Variants in CACNA2D1 observed in about 807,000 individuals in gnomAD.
CACNA2D1 encodes calcium voltage-gated channel auxiliary subunit alpha2delta 1.
A neutral mutation model predicts 171.5 loss-of-function variants in CACNA2D1; 53 were observed. The observed-to-expected ratio is 0.31, with a 90% CI of 0.25 to 0.39. The LOEUF (loss-of-function observed/expected upper bound fraction) is 0.39, where lower values mean the gene tolerates loss of function less well. Ranked by LOEUF, CACNA2D1 falls within the 10% of genes least tolerant of loss-of-function variation. CACNA2D1 has a pLI of 1.00. For synonymous variants in CACNA2D1, 442 were observed against 443.1 expected, an observed-to-expected ratio of 1.00 and a Z score of 0.03; for missense variants, 903 against 1,299.8, an observed-to-expected ratio of 0.69 and a Z score of 4.69.
chr7:82,423,723 T>C (rs535505334), intron 1 of CACNA2D1, among the ~76,000 whole-genome samples: 1 of 152,280 alleles, frequency 6.6e-6, no homozygotes, highest in East Asian at 1.9e-4. Context: ...AATCATTTAA[T>C]GTGAAAATCT....
intron 3 of CACNA2D1, among the ~76,000 whole-genome samples, chr7:82,190,446 T>C (rs541266579): frequency 2.0e-5 from 3 of 151,932 alleles, no homozygotes; most frequent in Admixed American, 2.0e-4. Flanking sequence ...CAGAATAGCA[T>C]GGCTACCTAA....
At chr7:81,981,707 A>G (rs1796459356) in intron 24 of CACNA2D1, among the ~76,000 whole-genome samples, 1 of 152,194 alleles carries the variant, frequency 6.6e-6, no homozygotes, top group Non-Finnish European at 1.5e-5. Context: ...AGAAAGAAGA[A>G]TAAAGAACAC....
rs184758100 is a variant in CACNA2D1, at chr7:82,367,748, C to T, written c.96-18099G>A. On this transcript the variant is annotated intron_variant, in intron 1 of 38. Coordinates refer to ENST00000356860, the MANE Select transcript of CACNA2D1 (RefSeq NM_000722.4). ...TAGTCAAATTGGTATATTAGCAAGG[C>T]GTGATGAACAAGGTTTCTACTGGAA... Among the ~76,000 whole-genome samples the T allele has an allele frequency of 5.5e-4, 84 of 152,106 alleles. 1 individual carries two copies. In the East Asian group the frequency reaches 8.7e-3, roughly 16 times the overall value.
chr7:81,970,643 T>C, intron 27 of CACNA2D1, 32 bp downstream of exon 27: 1 of 1,172,210 alleles, frequency 8.5e-7, no homozygotes, highest in Non-Finnish European at 1.3e-6. Context: ...TTTTGTAATG[T>C]ACTTGTTTTT....
chr7:81,962,723 C>T (rs547590918), intron 34 of CACNA2D1, among the ~76,000 whole-genome samples: 1 of 151,960 alleles, frequency 6.6e-6, no homozygotes, highest in South Asian at 2.1e-4. Context: ...TCAAGTGGGA[C>T]ACAATGTGTG....
intron 3 of CACNA2D1, among the ~76,000 whole-genome samples, chr7:82,188,560 C>A (rs1194916965): frequency 9.2e-5 from 14 of 152,088 alleles, no homozygotes; most frequent in African/African-American, 3.4e-4. Context: ...TGCTTATACA[C>A]TGCTGATGGG....
intron 1 of CACNA2D1, among the ~76,000 whole-genome samples, chr7:82,400,400 C>A (rs1325381925): frequency 6.6e-6 from 1 of 151,988 alleles, no homozygotes; most frequent in Non-Finnish European, 1.5e-5. Flanking sequence ...TGTAGTTCTC[C>A]TTGAAGAGGT....
rs551479313 is a variant in CACNA2D1 at position 82,094,580 on chromosome 7, G to A, written c.527-9680C>T. Among the ~76,000 whole-genome samples the A allele has an allele frequency of 2.8e-4, 43 of 152,214 alleles. 1 individual carries two copies. The highest frequency in any genetic ancestry group is 9.4e-4 in the African/African-American group (39 of 41,532). ...ACATTAAATTTACAAGTCCTTGCTC[G>A]TGTATTACTCAGCAGATCTTAATAC... On this transcript the variant is annotated intron_variant, in intron 6 of 38. Coordinates refer to ENST00000356860, the MANE Select transcript of CACNA2D1 (RefSeq NM_000722.4).
intron 6 of CACNA2D1, among the ~76,000 whole-genome samples, chr7:82,088,031 C>G (rs1810684572): frequency 6.6e-6 from 1 of 152,130 alleles, no homozygotes; most frequent in African/African-American, 2.4e-5. Context: ...GCCCCTATCT[C>G]TGTTTCTGTC....
chr7:82,401,088 A>G (rs933416212), intron 1 of CACNA2D1, among the ~76,000 whole-genome samples: 2 of 152,032 alleles, frequency 1.3e-5, no homozygotes, highest in African/African-American at 4.8e-5. Context: ...AGAAATAGTA[A>G]CACTTTTACA....
At chr7:82,186,255 A>AAGGAAGGAAGGAAGGAAGG (rs1563174157) in intron 3 of CACNA2D1, among the ~76,000 whole-genome samples, 19 of 111,424 alleles carry the variant, frequency 1.7e-4, no homozygotes, top group African/African-American at 5.0e-4. Context: ...AGGAAGGAAG[A>AAGGAAGGAAGGAAGGAAGG]AAGGAAGGAA....
At chr7:82,305,057 C>T (rs1813548621) in intron 3 of CACNA2D1, among the ~76,000 whole-genome samples, 1 of 152,066 alleles carries the variant, frequency 6.6e-6, no homozygotes, top group Non-Finnish European at 1.5e-5. Flanking sequence ...CTATTAGTCT[C>T]AAATAGTCCT....
chr7:82,038,557 T>A (rs749199270), intron 10 of CACNA2D1, among the ~76,000 whole-genome samples: 1 of 152,134 alleles, frequency 6.6e-6, no homozygotes, highest in Non-Finnish European at 1.5e-5. Context: ...TCCAAAGCAA[T>A]GAAATAGATG....
intron 5 of CACNA2D1, among the ~76,000 whole-genome samples, chr7:82,132,856 A>G (rs1013479264): frequency 6.6e-6 from 1 of 152,216 alleles, no homozygotes; most frequent in Middle Eastern, 3.2e-3. Flanking sequence ...GAGCATTAGC[A>G]TTATGTTCTA....
rs1796093944 is a variant in CACNA2D1, at chr7:81,978,578, T to TG, written c.1955+3988dup. On this transcript the variant is annotated intron_variant, in intron 24 of 38. Coordinates refer to ENST00000356860, the MANE Select transcript of CACNA2D1 (RefSeq NM_000722.4). The stretch of plus-strand genomic sequence containing the variant: ...GGGAACATCACACACTGGGGCCTGT[T>TG]GGGGGGCAAGGGGAGGGAGAGCATC... Among the ~76,000 whole-genome samples, 4 of 151,328 alleles carry TG rather than the reference T, an allele frequency of 2.6e-5. No homozygotes were observed. In the South Asian group the frequency reaches 6.3e-4, roughly 24 times the overall value.
chr7:81,979,297 GA>G (rs1201165155), intron 24 of CACNA2D1, among the ~76,000 whole-genome samples: 3 of 150,182 alleles, frequency 2.0e-5, no homozygotes, highest in Admixed American at 6.7e-5. Context: ...TTAAAACTTT[GA>G]ATTGTAAAAA....
chr7:82,241,283 C>T (rs557140183), intron 3 of CACNA2D1, among the ~76,000 whole-genome samples: 1 of 152,248 alleles, frequency 6.6e-6, no homozygotes, highest in East Asian at 1.9e-4. Flanking sequence ...AAAAATAAAG[C>T]CATGTCTTCC....
chr7:82,346,075 T>A (rs771126489), intron 2 of CACNA2D1, among the ~76,000 whole-genome samples: 1 of 152,146 alleles, frequency 6.6e-6, no homozygotes. Context: ...CTTAAATGAC[T>A]GGATATCTTC....
intron 36 of CACNA2D1, 60 bp downstream of exon 36, chr7:81,961,833 AT>A: frequency 7.5e-5 from 78 of 1,038,876 alleles, no homozygotes; most frequent in Middle Eastern, 2.5e-4. Context: ...TTTCTTAATG[AT>A]TATAACAGTA....
Sources: allele counts gnomAD v4.1 joint callset (sites outside exome capture counted in the v4.1 genomes callset), GRCh38; gene constraint gnomAD v4.1.1; transcripts MANE v1.5; gene names NCBI Gene and HGNC (gene_info 2026-07-23, HGNC 2026-07-21).